The following FCHO2 variants were observed in gnomAD, a reference collection of about 807,000 sequenced individuals.
FCHO2 encodes the protein F-BAR domain only protein 2.
In FCHO2, 43 loss-of-function variants were observed where a neutral mutation model predicts 114.1. The ratio of observed to expected loss-of-function variants is 0.38; its 90% confidence interval spans 0.30 to 0.49. The LOEUF is 0.49. FCHO2 is among the 20% of genes least tolerant of loss of function. The pLI is 0.97. For missense variants in FCHO2, 807 were observed against 950.4 expected (o/e 0.85, Z 1.98); for synonymous variants, 293 against 315.2 (o/e 0.93, Z 0.75).
chr5:73,026,333 G>T (rs1755914366), intron 8 of FCHO2, among the ~76,000 whole-genome samples: 1 of 152,038 alleles, frequency 6.6e-6, no homozygotes, highest in South Asian at 2.1e-4. Context: ...AGCTGGGTGT[G>T]GTGGTGGGCG....
At position 73,051,340 on chromosome 5, in the gene FCHO2, T is replaced by C; in HGVS notation, c.940-9T>C. ...TTGTCATTATAATTTTTTTTTCTTT[T>C]TCCCTTAGAACATTCCTGATGTAGA... On this transcript the variant is annotated splice_polypyrimidine_tract_variant and intron_variant, in intron 11 of 25. Coordinates refer to ENST00000430046, the MANE Select transcript of FCHO2 (RefSeq NM_138782.3). 2 of 1,515,132 alleles carry C rather than the reference T, an allele frequency of 1.3e-6. No homozygotes were observed. The highest frequency in any genetic ancestry group is 1.8e-6 in the Non-Finnish European group (2 of 1,122,652). 93.9% of individuals were successfully genotyped at this position (1,515,132 alleles called of 1,614,324 possible).
intron 2 of FCHO2, among the ~76,000 whole-genome samples, chr5:72,971,106 G>A (rs989697110): frequency 6.6e-6 from 1 of 152,110 alleles, no homozygotes; most frequent in African/African-American, 2.4e-5. Flanking sequence ...ATGATTGTTG[G>A]ACATTTGGGT....
At chr5:73,055,342 A>G (rs1403937891) in intron 15 of FCHO2, among the ~76,000 whole-genome samples, 2 of 152,184 alleles carry the variant, frequency 1.3e-5, no homozygotes, top group African/African-American at 4.8e-5. Context: ...TGAAGAATGT[A>G]GAGTGAATGG....
At chr5:72,956,252 G>T in intron 1 of FCHO2, 123 bp downstream of exon 1, 2 of 1,334,750 alleles carry the variant, frequency 1.5e-6, no homozygotes, top group Non-Finnish European at 2.0e-6. Context: ...TCCTCCTGCC[G>T]CGTCCCGCCT....
intron 5 of FCHO2, chr5:72,997,545 C>G: frequency 7.7e-7 from 1 of 1,304,908 alleles, no homozygotes; most frequent in Non-Finnish European, 1.1e-6. Flanking sequence ...CCCAGTGACA[C>G]AACCCTTCTC....
chr5:73,031,375 G>T (rs1366160156), intron 8 of FCHO2, among the ~76,000 whole-genome samples: 1 of 152,100 alleles, frequency 6.6e-6, no homozygotes, highest in African/African-American at 2.4e-5. Flanking sequence ...GAATAGCCCA[G>T]ACTTTCTATT....
Position 73,040,998 on chromosome 5 carries a change from A to T in FCHO2, c.915-293A>T, listed in dbSNP as rs3911453. On this transcript the variant is annotated intron_variant, in intron 10 of 25. Transcript: ENST00000430046. ...TTCATGGAAAAGAATTATTTTTCAA[A>T]ATAGGTTTTTGAATATTTATAAGCT... Among the ~76,000 whole-genome samples, 21,754 of 152,086 alleles carry T rather than the reference A, an allele frequency of 0.14. 1,784 individuals are homozygous for T. The highest frequency in any genetic ancestry group is 0.35 in the East Asian group (1,790 of 5,168).
At chr5:73,060,779 T>C (rs1382999931) in intron 17 of FCHO2, among the ~76,000 whole-genome samples, 3 of 152,088 alleles carry the variant, frequency 2.0e-5, no homozygotes, top group Non-Finnish European at 2.9e-5. Context: ...TGTTGTTACA[T>C]GTTTTAAAAT....
At chr5:72,991,497 A>G (rs1034025438) in intron 5 of FCHO2, among the ~76,000 whole-genome samples, 1 of 152,284 alleles carries the variant, frequency 6.6e-6, no homozygotes, top group Non-Finnish European at 1.5e-5. Context: ...TGGTATATTT[A>G]GAAAGATACA....
intron 25 of FCHO2, among the ~76,000 whole-genome samples, 157 bp downstream of exon 25, chr5:73,087,910 A>G (rs531568937): frequency 6.6e-5 from 10 of 152,282 alleles, no homozygotes; most frequent in African/African-American, 2.4e-4. Context: ...CCTGGGAGAG[A>G]GTTCTTACGG....
At chr5:73,045,726 A>G (rs1757022346) in intron 11 of FCHO2, among the ~76,000 whole-genome samples, 1 of 152,118 alleles carries the variant, frequency 6.6e-6, no homozygotes, top group South Asian at 2.1e-4. Context: ...CAACCTAACT[A>G]TATTGTTATA....
intron 2 of FCHO2, among the ~76,000 whole-genome samples, chr5:72,976,741 T>G (rs1474577609): frequency 6.6e-6 from 1 of 152,080 alleles, no homozygotes; most frequent in African/African-American, 2.4e-5. Context: ...TCATCCACAT[T>G]AGGTCTTTCT....
At chr5:72,963,964 T>TGATGTGA (rs1263611935) in intron 1 of FCHO2, among the ~76,000 whole-genome samples, 5 of 145,348 alleles carry the variant, frequency 3.4e-5, no homozygotes, top group African/African-American at 1.3e-4. Context: ...ATTTAAGTAC[T>TGATGTGA]GATGTGAACA....
At chr5:72,980,196 G>A (rs903300992) in intron 2 of FCHO2, among the ~76,000 whole-genome samples, 11 of 152,060 alleles carry the variant, frequency 7.2e-5, no homozygotes, top group Non-Finnish European at 1.3e-4. Flanking sequence ...CCTTCATTTC[G>A]TTATGTACCC....
At chr5:72,964,437 G>C (rs1398523866) in intron 1 of FCHO2, among the ~76,000 whole-genome samples, 1 of 152,158 alleles carries the variant, frequency 6.6e-6, no homozygotes, top group African/African-American at 2.4e-5. Context: ...TCAGGCTGGA[G>C]TGCAGTGGCA....
intron 6 of FCHO2, among the ~76,000 whole-genome samples, chr5:73,008,476 A>G (rs1754830820): frequency 6.6e-6 from 1 of 152,102 alleles, no homozygotes; most frequent in Non-Finnish European, 1.5e-5. Flanking sequence ...GTGGAGAGAG[A>G]TGAATGGGGA....
intron 10 of FCHO2, among the ~76,000 whole-genome samples, chr5:73,039,926 T>C (rs1353230720): frequency 6.7e-6 from 1 of 148,298 alleles, no homozygotes; most frequent in Non-Finnish European, 1.5e-5. Context: ...AGTAAGACTC[T>C]GTGTCAGAGA....
intron 5 of FCHO2, among the ~76,000 whole-genome samples, 164 bp downstream of exon 5, chr5:72,991,028 GT>G: frequency 6.6e-6 from 1 of 152,306 alleles, no homozygotes; most frequent in South Asian, 2.1e-4. Flanking sequence ...GATTTGTAAA[GT>G]ATGTTATCTG....
chr5:73,060,516 TG>T (rs888641450), intron 17 of FCHO2, among the ~76,000 whole-genome samples: 5 of 152,052 alleles, frequency 3.3e-5, no homozygotes, highest in Admixed American at 2.0e-4. Flanking sequence ...TTATTTTTAT[TG>T]TTTTCTTGGT....
Sources: allele counts gnomAD v4.1 joint callset (sites outside exome capture counted in the v4.1 genomes callset), GRCh38; gene constraint gnomAD v4.1.1; transcripts MANE v1.5; gene names NCBI Gene and HGNC (gene_info 2026-07-23, HGNC 2026-07-21).